RPAP3: variants seen among roughly 807,000 people sequenced by gnomAD.
RPAP3 encodes RNA polymerase II associated protein 3.
A neutral mutation model predicts 88.8 loss-of-function variants in RPAP3; 58 were observed. The observed-to-expected ratio is 0.65, with a 90% CI of 0.53 to 0.81. The LOEUF (loss-of-function observed/expected upper bound fraction) is 0.81. Ranked by LOEUF, RPAP3 falls within the 40% of genes least tolerant of loss-of-function variation. The pLI is 0.00. For synonymous variants in RPAP3, 255 were observed against 259.9 expected (o/e 0.98, Z 0.18); for missense variants, 751 against 764.3 (o/e 0.98, Z 0.20).
At chr12:47,680,596 T>C (rs1592475411) in intron 10 of RPAP3, among the ~76,000 whole-genome samples, 3 of 151,792 alleles carry the variant, frequency 2.0e-5, no homozygotes, top group East Asian at 3.9e-4. Flanking sequence ...CTCAAGAAGC[T>C]AGAAAAACAG....
intron 12 of RPAP3, among the ~76,000 whole-genome samples, chr12:47,674,289 G>A (rs1441586203): frequency 6.6e-6 from 1 of 152,056 alleles, no homozygotes; most frequent in Non-Finnish European, 1.5e-5. Flanking sequence ...CAAAGATGGG[G>A]AGAAACCAGA....
At chr12:47,682,847 G>C (rs963579532) in intron 9 of RPAP3, among the ~76,000 whole-genome samples, 1 of 152,116 alleles carries the variant, frequency 6.6e-6, no homozygotes, top group Non-Finnish European at 1.5e-5. Context: ...GAATATATCT[G>C]TGTTCATGCC....
chr12:47,676,065 C>A (rs953520453), intron 12 of RPAP3, among the ~76,000 whole-genome samples: 2 of 152,156 alleles, frequency 1.3e-5, no homozygotes, highest in African/African-American at 4.8e-5. Flanking sequence ...ACAGTGCAAT[C>A]AAATTAGAAC....
rs1939229648 is a variant in RPAP3 at position 47,681,827 on chromosome 12, A to G, written c.993-10T>C. ...TTCAGCTTCTTCATATCTATTGAAC[A>G]TGATAAAATTACTGACTGGAAAAAA... On this transcript the variant is annotated splice_polypyrimidine_tract_variant and intron_variant, in intron 9 of 16. Coordinates refer to ENST00000005386, the MANE Select transcript of RPAP3 (RefSeq NM_024604.3). 5.1e-6 allele frequency: 8 copies of G among 1,563,216 alleles called. No homozygotes were observed. The highest frequency in any genetic ancestry group is 1.4e-5 in the African/African-American group (1 of 72,164).
chr12:47,680,288 G>C (rs991351050), intron 10 of RPAP3, among the ~76,000 whole-genome samples: 1 of 152,078 alleles, frequency 6.6e-6, no homozygotes, highest in Admixed American at 6.6e-5. Context: ...AGGTTACTAG[G>C]GCTGGGAGGA....
intron 10 of RPAP3, among the ~76,000 whole-genome samples, chr12:47,680,653 G>C (rs532034451): frequency 6.6e-6 from 1 of 151,180 alleles, no homozygotes; most frequent in African/African-American, 2.4e-5. Flanking sequence ...AAAAGCAGAA[G>C]GAAATTAAAT....
intron 1 of RPAP3, among the ~76,000 whole-genome samples, chr12:47,703,991 G>T (rs1383940991): frequency 6.6e-6 from 1 of 152,200 alleles, no homozygotes; most frequent in Non-Finnish European, 1.5e-5. Flanking sequence ...AGGGCAAACG[G>T]AAAGTCAGAT....
At chr12:47,671,619 CATATT>C (rs1938999449) in intron 12 of RPAP3, among the ~76,000 whole-genome samples, 1 of 152,138 alleles carries the variant, frequency 6.6e-6, no homozygotes, top group Non-Finnish European at 1.5e-5. Context: ...AAAGAATAAT[CATATT>C]AAGTTAAGGC....
intron 6 of RPAP3, among the ~76,000 whole-genome samples, chr12:47,690,232 A>C (rs991983611): frequency 6.6e-6 from 1 of 152,210 alleles, no homozygotes; most frequent in African/African-American, 2.4e-5. Flanking sequence ...TAAAGCCAAC[A>C]AGACATATTA....
rs368861918 is a variant in RPAP3, at chr12:47,691,243, G to A, written c.546-604C>T. ...CAGTTGTCATTTCAAAAACGTTCACGGCACCTTCACCAAGAATAAATTCTA... is the reference window on the plus strand; with the variant it reads ...CAGTTGTCATTTCAAAAACGTTCACAGCACCTTCACCAAGAATAAATTCTA... On this transcript the variant is annotated intron_variant, in intron 5 of 16. Transcript: ENST00000005386. 1.4e-4 allele frequency among the ~76,000 whole-genome samples: 22 copies of A among 151,790 alleles called. 1 individual carries two copies. Among genetic ancestry groups the A allele is most frequent in the Admixed American group, 4.6e-4 (7 of 15,244 alleles).
intron 10 of RPAP3, 28 bp downstream of exon 10, chr12:47,681,668 C>A: frequency 6.2e-7 from 1 of 1,606,246 alleles, no homozygotes; most frequent in East Asian, 2.2e-5. Flanking sequence ...ATCAGGATGA[C>A]TGAGTGCCAG....
chr12:47,683,245 C>CGT (rs1939260105), intron 9 of RPAP3, among the ~76,000 whole-genome samples: 1 of 152,152 alleles, frequency 6.6e-6, no homozygotes, highest in Non-Finnish European at 1.5e-5. Flanking sequence ...TCCTTCATAG[C>CGT]GCTATCTTAG....
Position 47,663,486 on chromosome 12 carries a change from A to G in RPAP3, c.*19T>C, listed in dbSNP as rs374924677. 2.6e-5 allele frequency: 39 copies of G among 1,519,556 alleles called. No homozygotes were observed. The highest frequency in any genetic ancestry group is 3.4e-5 in the Non-Finnish European group (38 of 1,112,896). The allele number at this position is 1,519,556 out of a possible 1,614,324, so 94.1% of individuals were successfully genotyped here. A position where few individuals can be genotyped will look rare whatever the true frequency, so the allele number is the denominator to read the frequency against. On this transcript the variant is annotated 3_prime_UTR_variant, in exon 17 of 17. Coordinates refer to ENST00000005386, the MANE Select transcript of RPAP3 (RefSeq NM_024604.3). ...TTACATATGAAAGTCAAAAACAATT[A>G]TTTCAGCAAAAATGGAAATCAACCA... is the stretch of plus-strand genomic sequence containing the variant.
intron 10 of RPAP3, 96 bp from the exon 11 acceptor site, chr12:47,679,870 T>C: frequency 1.2e-6 from 1 of 848,954 alleles, no homozygotes; most frequent in Non-Finnish European, 1.9e-6. Flanking sequence ...AGTAATCACA[T>C]TTTTAGCTCA....
intron 10 of RPAP3, 55 bp downstream of exon 10, chr12:47,681,641 C>CT: frequency 6.4e-7 from 1 of 1,570,878 alleles, no homozygotes; most frequent in Non-Finnish European, 8.6e-7. Context: ...ATCTCTGCTT[C>CT]TTTAACTTGG....
intron 5 of RPAP3, among the ~76,000 whole-genome samples, chr12:47,695,274 CAAGA>C (rs59069837): frequency 0.13 from 20,044 of 151,886 alleles, 1,641 homozygotes; most frequent in East Asian, 0.37. Context: ...AGCATCAAAA[CAAGA>C]ATGAATCATA....
chr12:47,704,464 G>A (rs1039204900), intron 1 of RPAP3, among the ~76,000 whole-genome samples: 2 of 151,998 alleles, frequency 1.3e-5, no homozygotes, highest in African/African-American at 4.8e-5. Context: ...CACCTCCTAG[G>A]TTCAAGTGAT....
rs1332769853 is a variant in RPAP3 at position 47,687,976 on chromosome 12, T to G, written c.764A>C (p.Tyr255Ser). 9.9e-6 allele frequency: 16 copies of G among 1,613,302 alleles called. No individual in the cohort carries two copies. The highest frequency in any genetic ancestry group is 1.4e-5 in the Non-Finnish European group (16 of 1,179,622). The part of the protein sequence containing the change: ...SQALASKENS[Y>S]PKEADIVIKS... Reference sequence around the variant, plus strand: ...AATCACTATGTCAGCTTCCTTTGGATATGAGTTTTCTTTGGATGCTAAAGC... The same window carrying G: ...AATCACTATGTCAGCTTCCTTTGGAGATGAGTTTTCTTTGGATGCTAAAGC... Residue 255 changes from tyrosine (Y) to serine (S), a missense_variant, in exon 8 of 17, where the codon TAT (tyrosine) becomes TCT (serine). Physicochemically the swap from Tyr to Ser is moderately radical, Grantham distance 144. Coordinates refer to ENST00000005386, the MANE Select transcript of RPAP3 (RefSeq NM_024604.3).
intron 9 of RPAP3, among the ~76,000 whole-genome samples, chr12:47,683,749 G>A (rs1565718284): frequency 6.6e-6 from 1 of 152,134 alleles, no homozygotes. Flanking sequence ...TGGTGAGTGC[G>A]AAAAACTATC....
Sources: gnomAD v4.1 joint callset for allele counts (sites outside exome capture counted in the v4.1 genomes callset) on GRCh38, gnomAD v4.1.1 for gene constraint, MANE v1.5 for transcripts, NCBI Gene and HGNC (gene_info 2026-07-23, HGNC 2026-07-21) for gene names.